The following NCOA5 variants were observed in gnomAD, a reference collection of about 807,000 sequenced individuals.
NCOA5 encodes the protein nuclear receptor coactivator 5.
Under a neutral mutation model 59.0 loss-of-function variants are expected in NCOA5, and 12 were observed. That is an observed-to-expected ratio of 0.20 (90% confidence interval 0.13 to 0.33). NCOA5 has a LOEUF of 0.33. NCOA5 is among the 10% of genes least tolerant of loss of function. The probability of loss-of-function intolerance (pLI) is 1.00; values close to 1 mark genes in which losing one functional copy is unlikely to be tolerated. For synonymous variants in NCOA5, 270 were observed against 275.5 expected, an observed-to-expected ratio of 0.98 and a Z score of 0.20; for missense variants, 655 against 766.6, an observed-to-expected ratio of 0.85 and a Z score of 1.72.
At chr20:46,067,260 C>A in intron 4 of NCOA5, 79 bp from the exon 5 acceptor site, 1 of 1,499,320 alleles carries the variant, frequency 6.7e-7, no homozygotes, top group South Asian at 1.3e-5. Flanking sequence ...AGGCAAAGGT[C>A]ATAATACTCT....
chr20:46,085,510 G>A (rs1230591034), intron 1 of NCOA5, among the ~76,000 whole-genome samples: 1 of 152,074 alleles, frequency 6.6e-6, no homozygotes, highest in Non-Finnish European at 1.5e-5. Context: ...GGGGGTGAAT[G>A]GGATGGGAGG....
At position 46,061,735 on chromosome 20, in the gene NCOA5, A is replaced by G. The variant is rs1025335713; in HGVS notation, c.*565T>C. The G allele has an allele frequency of 6.6e-6, 1 of 152,352 alleles. No individual in the cohort carries two copies. The highest frequency in any genetic ancestry group is 1.5e-5 in the Non-Finnish European group (1 of 68,056). The allele number at this position is 152,352 out of a possible 1,614,324, so 9.4% of individuals were successfully genotyped here. A position where few individuals can be genotyped will look rare whatever the true frequency, so the allele number is the denominator to read the frequency against. On this transcript the variant is annotated 3_prime_UTR_variant, in exon 8 of 8. Transcript: ENST00000290231. ...TCTTTTTTCTGTGGCTGCCATGGCC[A>G]TTCCTCAACAATCCAGAGTGGCTGA...
chr20:46,085,373 T>C (rs1179691297), intron 1 of NCOA5, among the ~76,000 whole-genome samples: 1 of 151,994 alleles, frequency 6.6e-6, no homozygotes, highest in African/African-American at 2.4e-5. Context: ...AGTACACAGA[T>C]AATTACAATA....
rs750799486 is a variant in NCOA5 at position 46,062,410 on chromosome 20, G to A, written c.1630C>T (p.Leu544=). ...NFDNPSVQKA[L]DTLIQSGPAL... is the part of the protein sequence containing the mutation. ...GGGCCACTCTGGATCAGGGTATCCA[G>A]AGCCTTCTGTACACTTGGATTGTCA... The change falls in exon 8 of 8, where the codon CTG becomes TTG. Residue 544 remains leucine, a synonymous_variant. Coordinates refer to ENST00000290231, the MANE Select transcript of NCOA5 (RefSeq NM_020967.3). 5 of 1,614,184 alleles carry A rather than the reference G, an allele frequency of 3.1e-6. No homozygotes were observed. The highest frequency in any genetic ancestry group is 3.3e-5 in the Admixed American group (2 of 60,028).
rs1258975406 is a variant in NCOA5 at position 46,065,141 on chromosome 20, T to G, written c.717A>C (p.Ser239=). 4 of 1,614,110 alleles carry G rather than the reference T, an allele frequency of 2.5e-6. No homozygotes were observed. The highest frequency in any genetic ancestry group is 3.4e-6 in the Non-Finnish European group (4 of 1,180,046). ...CCCTGCTAACATCCTCCAAGGCTTGTGACAGTGACACTTCTGTGTTAAGGA... is the reference window on the plus strand; with the variant it reads ...CCCTGCTAACATCCTCCAAGGCTTGGGACAGTGACACTTCTGTGTTAAGGA... ...LIFLNTEVSL[S]QALEDVSRGG... is the part of the protein sequence containing the mutation. The change falls in exon 6 of 8, where the codon TCA becomes TCC. Residue 239 remains serine (S), a synonymous_variant. Coordinates refer to ENST00000290231, the MANE Select transcript of NCOA5 (RefSeq NM_020967.3).
At chr20:46,062,927 C>G (rs766747770) in intron 7 of NCOA5, 38 bp from the exon 8 acceptor site, 1 of 1,488,578 alleles carries the variant, frequency 6.7e-7, no homozygotes, top group East Asian at 2.3e-5. Flanking sequence ...GTTCAAAGTA[C>G]CCCCCAAGGG....
chr20:46,083,940 C>G (rs1297896490), intron 1 of NCOA5, among the ~76,000 whole-genome samples: 2 of 152,326 alleles, frequency 1.3e-5, no homozygotes, highest in African/African-American at 4.8e-5. Context: ...TAAATCAACC[C>G]TTTAAGTTCA....
intron 2 of NCOA5, among the ~76,000 whole-genome samples, chr20:46,071,921 C>T (rs1278165291): frequency 1.3e-5 from 2 of 152,084 alleles, no homozygotes; most frequent in African/African-American, 4.8e-5. Flanking sequence ...TATGTCTGAC[C>T]CGCTTTAAGG....
intron 2 of NCOA5, among the ~76,000 whole-genome samples, chr20:46,072,763 T>C (rs2084896711): frequency 6.6e-6 from 1 of 152,250 alleles, no homozygotes; most frequent in Admixed American, 6.5e-5. Flanking sequence ...AAGTTTACTT[T>C]CTGCCCCTAA....
Position 46,079,447 on chromosome 20 carries a change from T to C in NCOA5, c.-23A>G, listed in dbSNP as rs1206811447. ...CATATTTCTTCTTTCCGCTGCCTTA[T>C]TAATATCTGAAAAGAATAATCAACC... On this transcript the variant is annotated 5_prime_UTR_variant, in exon 2 of 8. Transcript: ENST00000290231. 6.2e-7 allele frequency: 1 copy of C among 1,613,012 alleles called. No individual in the cohort carries two copies. Among genetic ancestry groups the C allele is most frequent in the South Asian group, 1.1e-5 (1 of 91,054 alleles).
At chr20:46,071,141 T>TAA (rs1157485401) in intron 2 of NCOA5, among the ~76,000 whole-genome samples, 3 of 137,926 alleles carry the variant, frequency 2.2e-5, no homozygotes, top group East Asian at 2.0e-4. Flanking sequence ...CAAGATGGTT[T>TAA]AAAAAAAAAA....
chr20:46,072,330 T>G (rs1345473093), intron 2 of NCOA5, among the ~76,000 whole-genome samples: 1 of 152,140 alleles, frequency 6.6e-6, no homozygotes, highest in African/African-American at 2.4e-5. Context: ...CAGTATGTAT[T>G]TATTTTTATA....
chr20:46,072,782 C>T (rs1486819910), intron 2 of NCOA5, among the ~76,000 whole-genome samples: 2 of 152,184 alleles, frequency 1.3e-5, no homozygotes, highest in Non-Finnish European at 2.9e-5. Context: ...AAAATTCTCT[C>T]ATAGCACTGT....
At chr20:46,085,287 A>G (rs1289155195) in intron 1 of NCOA5, among the ~76,000 whole-genome samples, 1 of 151,888 alleles carries the variant, frequency 6.6e-6, no homozygotes, top group Non-Finnish European at 1.5e-5. Context: ...TCAGCCCCGC[A>G]AAGTGTTGGG....
At chr20:46,074,571 A>G (rs1394577030) in intron 2 of NCOA5, among the ~76,000 whole-genome samples, 1 of 152,222 alleles carries the variant, frequency 6.6e-6, no homozygotes, top group African/African-American at 2.4e-5. Context: ...GGAAAAAGGC[A>G]AATACTCTTT....
Position 46,065,114 on chromosome 20 carries a change from T to C in NCOA5, c.744A>G (p.Gly248=), listed in dbSNP as rs1382576106. Residue 248 remains glycine, a synonymous_variant, in exon 6 of 8, where the codon GGA becomes GGG. Coordinates refer to ENST00000290231, the MANE Select transcript of NCOA5 (RefSeq NM_020967.3). ...LSQALEDVSR[G]GSPFAIVITQ... is the part of the protein sequence containing the mutation. ...TGATGACAATAGCAAAAGGAGAACC[T>C]CCCCTGCTAACATCCTCCAAGGCTT... 1.2e-6 allele frequency: 2 copies of C among 1,614,092 alleles called. No individual in the cohort carries two copies. The highest frequency in any genetic ancestry group is 2.2e-5 in the South Asian group (2 of 91,078).
rs145730403 is a variant in NCOA5 at position 46,062,321 on chromosome 20, T to C, written c.1719A>G (p.Gly573=). ...AQMGQPQAPM[G]SYQRHY ...AGCTTCAGTAATGCCTCTGGTAAGA[T>C]CCCATGGGGGCCTGTGGCTGCCCCA... is the stretch of plus-strand genomic sequence containing the variant. Residue 573 remains glycine, a synonymous_variant, in exon 8 of 8, where the codon GGA becomes GGG. Transcript: ENST00000290231. 38 of 1,613,428 alleles carry C rather than the reference T, an allele frequency of 2.4e-5. No individual in the cohort carries two copies. The highest frequency in any genetic ancestry group is 3.1e-5 in the Non-Finnish European group (36 of 1,179,804).
chr20:46,084,631 G>A (rs985701118), intron 1 of NCOA5, among the ~76,000 whole-genome samples: 1 of 152,184 alleles, frequency 6.6e-6, no homozygotes, highest in Non-Finnish European at 1.5e-5. Flanking sequence ...TAGCAAATCT[G>A]AGCTGTGGTC....
At chr20:46,064,392 G>A (rs2084799433) in intron 6 of NCOA5, among the ~76,000 whole-genome samples, 1 of 152,218 alleles carries the variant, frequency 6.6e-6, no homozygotes, top group African/African-American at 2.4e-5. Flanking sequence ...GTATCAGCTG[G>A]CGGACTCTTA....
Sources: allele counts gnomAD v4.1 joint callset (sites outside exome capture counted in the v4.1 genomes callset), GRCh38; gene constraint gnomAD v4.1.1; transcripts MANE v1.5; gene names NCBI Gene and HGNC (gene_info 2026-07-23, HGNC 2026-07-21).